ZNF320: variants seen among roughly 807,000 people sequenced by gnomAD.
ZNF320 encodes the protein zinc finger gene 320.
In ZNF320, 2 loss-of-function variants were observed where a neutral mutation model predicts 6.8. That is an observed-to-expected ratio of 0.29 (90% CI 0.12 to 0.93). ZNF320 has a LOEUF of 0.93. Among genes scored for constraint, ZNF320 ranks in the 40% least tolerant of loss-of-function variants. ZNF320 has a pLI of 0.55. For synonymous variants in ZNF320, 208 were observed against 203.2 expected (o/e 1.02, Z -0.20); for missense variants, 472 against 611.0 (o/e 0.77, Z 2.40).
chr19:52,864,242 C>T (rs900100271), intron 5 of ZNF320: 2 of 163,226 alleles, frequency 1.2e-5, no homozygotes, highest in Non-Finnish European at 2.7e-5. Context: ...AATTAAGTAT[C>T]GATTGGGCCA....
chr19:52,888,800 CGT>C (rs1253805276), intron 4 of ZNF320, among the ~76,000 whole-genome samples: 2 of 151,824 alleles, frequency 1.3e-5, no homozygotes, highest in East Asian at 3.9e-4. Context: ...AAAATATATA[CGT>C]GTGTGTACAT....
At chr19:52,903,855 A>C in the ZNF320 span, among the ~76,000 whole-genome samples, 1 of 152,362 alleles carries the variant, frequency 6.6e-6, no homozygotes, top group East Asian at 1.9e-4. Context: ...ATTCAAGCCA[A>C]GTCAAAACCA....
Position 52,881,800 on chromosome 19 carries a change from T to G in ZNF320, c.326A>C (p.His109Pro). The change falls in exon 6 of 6, where the codon CAT becomes CCT. Residue 109 changes from histidine (H) to proline (P), a missense_variant. His to Pro is a moderately conservative substitution (Grantham distance 77, BLOSUM62 -2). Around this residue, in one of 2 missense-constraint regions of ZNF320, gnomAD observed 462 missense variants for 559.7 expected, o/e 0.83. Coordinates refer to ENST00000682928, the MANE Select transcript of ZNF320 (RefSeq NM_001351774.2). The stretch of plus-strand genomic sequence containing the variant: ...TTTTATTTCTGTCATGGGTGCTTCA[T>G]GGTCATTTGTTTCATCTTCTTGCCA... The part of the protein sequence containing the change: ...FQWQEDETND[H>P]EAPMTEIKKL... The G allele has an allele frequency of 6.2e-7, 1 of 1,613,910 alleles. No individual in the cohort carries two copies.
rs1484578652 is a variant in ZNF320, at chr19:52,878,629, G to A, written c.*1967C>T. 1 of 151,958 alleles carries A rather than the reference G, an allele frequency of 6.6e-6. No individual in the cohort carries two copies. The highest frequency in any genetic ancestry group is 2.4e-5 in the African/African-American group (1 of 41,360). The allele number at this position is 151,958 out of a possible 1,614,324, so 9.4% of individuals were successfully genotyped here. A position where few individuals can be genotyped will look rare whatever the true frequency, so the allele number is the denominator to read the frequency against. On this transcript the variant is annotated 3_prime_UTR_variant, in exon 6 of 6. Transcript: ENST00000682928. The stretch of plus-strand genomic sequence containing the variant: ...AAACTGGTGATTTATTTTGGGAATC[G>A]TCCCCATAACCTTTTCATAAAGCAT...
intron 2 of ZNF320, among the ~76,000 whole-genome samples, chr19:52,892,757 C>T (rs1326064034): frequency 4.8e-5 from 7 of 144,518 alleles, no homozygotes; most frequent in African/African-American, 1.1e-4. Context: ...TGTTATACCT[C>T]CCTGGCCCCA....
chr19:52,872,780 C>G (rs967864551), downstream of ZNF320, among the ~76,000 whole-genome samples: 1 of 152,132 alleles, frequency 6.6e-6, no homozygotes, highest in Non-Finnish European at 1.5e-5. Flanking sequence ...GGATTACAGG[C>G]GTGAGCCACC....
At chr19:52,866,284 G>T (rs372337023) in intron 5 of ZNF320, among the ~76,000 whole-genome samples, 7 of 149,634 alleles carry the variant, frequency 4.7e-5, no homozygotes, top group African/African-American at 1.2e-4. Context: ...TCATGCGCTG[G>T]GTGCAGTGAC....
intron 5 of ZNF320, among the ~76,000 whole-genome samples, chr19:52,886,845 G>A (rs7256753): frequency 0.19 from 28,531 of 151,736 alleles, 2,763 homozygotes; most frequent in East Asian, 0.27. Flanking sequence ...TGGGGCACAA[G>A]AATCCTTTGA....
rs1001453788 is a variant in ZNF320 at position 52,880,530 on chromosome 19, C to T, written c.*66G>A. 66 of 1,463,660 alleles carry T rather than the reference C, an allele frequency of 4.5e-5. No individual in the cohort carries two copies. The highest frequency in any genetic ancestry group is 1.8e-4 in the East Asian group (8 of 44,134). The allele number at this position is 1,463,660 out of a possible 1,614,324, so 90.7% of individuals were successfully genotyped here. ...CCTCTTAACATAAACAGTTTAATGT[C>T]GATTAATGCTTGAAATCAATGTTAA... On this transcript the variant is annotated 3_prime_UTR_variant, in exon 6 of 6. Transcript: ENST00000682928.
intron 5 of ZNF320, chr19:52,883,576 G>A (rs953847362): frequency 2.2e-6 from 1 of 454,834 alleles, no homozygotes; most frequent in South Asian, 1.6e-5. Context: ...AGTATGAGGT[G>A]AAGAAAATAC....
intron 5 of ZNF320, among the ~76,000 whole-genome samples, chr19:52,869,988 T>A (rs1157487349): frequency 6.6e-6 from 1 of 151,720 alleles, no homozygotes; most frequent in East Asian, 2.0e-4. Flanking sequence ...AGTGCTGGGA[T>A]TACAGGTGTC....
At chr19:52,889,904 G>A (rs1490095511) in intron 4 of ZNF320, among the ~76,000 whole-genome samples, 2 of 152,012 alleles carry the variant, frequency 1.3e-5, no homozygotes, top group African/African-American at 4.8e-5. Context: ...CTCTAATCCT[G>A]GTCCACGGAG....
At chr19:52,874,118 C>T (rs1420906554), downstream of ZNF320, 1 of 278,880 alleles carries the variant, frequency 3.6e-6, no homozygotes, top group African/African-American at 2.3e-5. Flanking sequence ...AAATCACTCC[C>T]TCCTTTTCTG....
rs1350925447 is a variant in ZNF320, at chr19:52,862,238, A to T, written c.*1791T>A. 4.6e-6 allele frequency: 3 copies of T among 657,810 alleles called. No individual in the cohort carries two copies. The East Asian group carries it at 1.6e-4, about 35-fold the overall frequency. The allele number at this position is 657,810 out of a possible 1,614,324, so 40.7% of individuals were successfully genotyped here. On this transcript the variant is annotated 3_prime_UTR_variant, in exon 6 of 6. Coordinates refer to the ZNF320 transcript ENST00000673631. The stretch of plus-strand genomic sequence containing the variant: ...GGTGAGTAAGTGGTGATTGCCCACT[A>T]AAGGCTTTGCCACACTCATTACACT...
At chr19:52,872,084 G>A (rs1317584890), downstream of ZNF320, among the ~76,000 whole-genome samples, 2 of 152,142 alleles carry the variant, frequency 1.3e-5, no homozygotes, top group African/African-American at 4.8e-5. Context: ...CTCCTTGAGA[G>A]GCTAATGTGG....
chr19:52,901,246 A>G (rs893344581), upstream of ZNF320, among the ~76,000 whole-genome samples: 1 of 152,202 alleles, frequency 6.6e-6, no homozygotes, highest in African/African-American at 2.4e-5. Flanking sequence ...AAATAATAGG[A>G]CTGTAGCAAT....
chr19:52,871,824 C>A (rs1210159802), downstream of ZNF320, among the ~76,000 whole-genome samples: 1 of 152,164 alleles, frequency 6.6e-6, no homozygotes, highest in Non-Finnish European at 1.5e-5. Flanking sequence ...CCAAGTCAAT[C>A]CAGCCCATCC....
the ZNF320 span, among the ~76,000 whole-genome samples, chr19:52,904,244 T>C: frequency 6.6e-6 from 1 of 152,250 alleles, no homozygotes; most frequent in East Asian, 1.9e-4. Context: ...AGGAGCGCTC[T>C]TTGGATCGTG....
rs1322497007 is a variant in ZNF320, at chr19:52,862,814, G to A, written c.*1215C>T. On this transcript the variant is annotated 3_prime_UTR_variant, in exon 6 of 6. Coordinates refer to the ZNF320 transcript ENST00000673631. The stretch of plus-strand genomic sequence containing the variant: ...CAAGGTGTGATCTGCAACTGAAAAC[G>A]TTGTCACATTCTTTACATTTGTAAG... 1.2e-5 allele frequency: 4 copies of A among 338,406 alleles called. No individual in the cohort carries two copies. The East Asian group carries it at 3.0e-4, about 25-fold the overall frequency. The allele number at this position is 338,406 out of a possible 1,614,324, so 21.0% of individuals were successfully genotyped here.
Sources: allele counts gnomAD v4.1 joint callset (sites outside exome capture counted in the v4.1 genomes callset), GRCh38; gene constraint gnomAD v4.1.1; regional missense constraint gnomAD v4.1.1; transcripts MANE v1.5; gene names NCBI Gene and HGNC (gene_info 2026-07-23, HGNC 2026-07-21).